Variants in PABPC4L observed in about 807,000 individuals in gnomAD.
PABPC4L encodes poly(A) binding protein cytoplasmic 4 like.
For missense variants in PABPC4L, 452 were observed against 451.4 expected (o/e 1.00, Z -0.01); for synonymous variants, 169 against 164.1 (o/e 1.03, Z -0.23).
At chr4:134,167,913 C>T in the PABPC4L span, among the ~76,000 whole-genome samples, 1 of 152,002 alleles carries the variant, frequency 6.6e-6, no homozygotes, top group Non-Finnish European at 1.5e-5. Context: ...AAACAGAAGA[C>T]TTATTCTGTA....
the PABPC4L span, among the ~76,000 whole-genome samples, chr4:134,184,587 T>C: frequency 6.6e-6 from 1 of 152,082 alleles, no homozygotes; most frequent in African/African-American, 2.4e-5. Context: ...CATTTTGTTT[T>C]AGTGCTGAAT....
chr4:134,100,441 C>T, the PABPC4L span, among the ~76,000 whole-genome samples: 4 of 151,354 alleles, frequency 2.6e-5, no homozygotes, highest in African/African-American at 9.7e-5. Flanking sequence ...TCCTTGAATC[C>T]CTTGTATTAA....
the PABPC4L span, among the ~76,000 whole-genome samples, chr4:134,149,822 G>T: frequency 7.8e-4 from 118 of 152,246 alleles, no homozygotes; most frequent in African/African-American, 2.1e-3. Flanking sequence ...AGGGTGAAAA[G>T]GATCCAATGT....
the PABPC4L span, among the ~76,000 whole-genome samples, chr4:134,185,657 A>G: frequency 1.3e-5 from 2 of 152,258 alleles, no homozygotes; most frequent in East Asian, 1.9e-4. Flanking sequence ...CACCACTCCT[A>G]TTCAACATAG....
chr4:134,170,556 A>C, the PABPC4L span, among the ~76,000 whole-genome samples: 1 of 152,128 alleles, frequency 6.6e-6, no homozygotes, highest in Non-Finnish European at 1.5e-5. Flanking sequence ...AAATCATAGC[A>C]GAAGGTGAAG....
At chr4:134,007,786 T>C in the PABPC4L span, among the ~76,000 whole-genome samples, 2 of 151,492 alleles carry the variant, frequency 1.3e-5, no homozygotes, top group East Asian at 1.9e-4. Flanking sequence ...ATGTCTTGAG[T>C]TTTCAAGTTA....
chr4:134,110,794 G>A, the PABPC4L span, among the ~76,000 whole-genome samples: 1 of 151,900 alleles, frequency 6.6e-6, no homozygotes, highest in Non-Finnish European at 1.5e-5. Context: ...GTAAATAGTT[G>A]TTATACTGCA....
chr4:134,155,510 C>T, the PABPC4L span, among the ~76,000 whole-genome samples: 1 of 151,142 alleles, frequency 6.6e-6, no homozygotes, highest in Non-Finnish European at 1.5e-5. Flanking sequence ...TCTATCTTCC[C>T]CATTGCTCTA....
At chr4:134,156,849 A>C in the PABPC4L span, among the ~76,000 whole-genome samples, 1 of 151,902 alleles carries the variant, frequency 6.6e-6, no homozygotes, top group Non-Finnish European at 1.5e-5. Flanking sequence ...TGAAAGTTCC[A>C]TGAAGGCAGC....
At chr4:134,049,704 G>C in the PABPC4L span, among the ~76,000 whole-genome samples, 1 of 152,298 alleles carries the variant, frequency 6.6e-6, no homozygotes, top group South Asian at 2.1e-4. Flanking sequence ...GCCAGATCAG[G>C]ATTGCATATT....
At chr4:134,037,598 G>A in the PABPC4L span, among the ~76,000 whole-genome samples, 1 of 152,018 alleles carries the variant, frequency 6.6e-6, no homozygotes, top group Non-Finnish European at 1.5e-5. Flanking sequence ...ATTGAAAAGT[G>A]AGCAAAAGAA....
At chr4:134,047,228 A>G in the PABPC4L span, among the ~76,000 whole-genome samples, 1 of 152,166 alleles carries the variant, frequency 6.6e-6, no homozygotes, top group African/African-American at 2.4e-5. Flanking sequence ...TTCAGAAAAG[A>G]AAGAATTGGT....
the PABPC4L span, among the ~76,000 whole-genome samples, chr4:134,188,591 AGTT>A: frequency 6.6e-6 from 1 of 152,060 alleles, no homozygotes; most frequent in Non-Finnish European, 1.5e-5. Flanking sequence ...AGGATGGAGA[AGTT>A]GTTGTTTGTT....
chr4:134,002,157 T>C, the PABPC4L span, among the ~76,000 whole-genome samples: 3 of 151,932 alleles, frequency 2.0e-5, no homozygotes, highest in Non-Finnish European at 4.4e-5. Context: ...TGCATAATAA[T>C]TGGACAGCTT....
At chr4:134,126,608 T>G in the PABPC4L span, among the ~76,000 whole-genome samples, 1 of 152,266 alleles carries the variant, frequency 6.6e-6, no homozygotes, top group Admixed American at 6.5e-5. Flanking sequence ...TTTTTGGTTT[T>G]TATTTTTTCC....
At chr4:133,970,094 T>A in the PABPC4L span, among the ~76,000 whole-genome samples, 1 of 147,652 alleles carries the variant, frequency 6.8e-6, no homozygotes, top group African/African-American at 2.5e-5. Flanking sequence ...ATTTAAAAAA[T>A]ATATATTTAT....
At chr4:134,160,111 G>A in the PABPC4L span, among the ~76,000 whole-genome samples, 364 of 152,114 alleles carry the variant, frequency 2.4e-3, 1 homozygote, top group African/African-American at 8.5e-3. Context: ...AAAAATGAGT[G>A]GCAGCTAGGC....
the PABPC4L span, among the ~76,000 whole-genome samples, chr4:134,093,103 C>A: frequency 6.6e-6 from 1 of 151,098 alleles, no homozygotes; most frequent in Admixed American, 6.6e-5. Context: ...TCTCATTCTC[C>A]CACTTTTCTT....
chr4:134,180,826 C>T, the PABPC4L span, among the ~76,000 whole-genome samples: 176 of 151,766 alleles, frequency 1.2e-3, no homozygotes, highest in Non-Finnish European at 2.1e-3. Flanking sequence ...CAAGTTTGAA[C>T]CGGTAAGATA....
Sources: allele counts gnomAD v4.1 joint callset (sites outside exome capture counted in the v4.1 genomes callset), GRCh38; gene constraint gnomAD v4.1.1; transcripts MANE v1.5; gene names NCBI Gene and HGNC (gene_info 2026-07-23, HGNC 2026-07-21).